Variants in PAPOLG observed in about 807,000 individuals in gnomAD.
The protein encoded by PAPOLG is poly(A) polymerase gamma, also known as PAP-gamma.
A neutral mutation model predicts 99.0 loss-of-function variants in PAPOLG; 40 were observed. That is an observed-to-expected ratio of 0.40 (90% CI 0.31 to 0.53). PAPOLG has a LOEUF of 0.53. Among genes scored for constraint, PAPOLG ranks in the 20% least tolerant of loss-of-function variants. PAPOLG has a pLI of 0.41. For missense variants in PAPOLG, 675 were observed against 884.1 expected (o/e 0.76, Z 3.00); for synonymous variants, 310 against 299.3 (o/e 1.04, Z -0.37).
At position 60,782,437 on chromosome 2, in the gene PAPOLG, A is replaced by G. The variant is rs1167282141; in HGVS notation, c.1028-249A>G. ...CCGGAAGTGGTGGTGGGCACCTGTA[A>G]TCCCAGCTACTCAGGAGCCTGGGGC... On this transcript the variant is annotated intron_variant, in intron 11 of 21. Transcript: ENST00000238714. Among the ~76,000 whole-genome samples, 4 of 151,828 alleles carry G rather than the reference A, an allele frequency of 2.6e-5. No individual in the cohort carries two copies. In the East Asian group the frequency reaches 5.8e-4, roughly 22 times the overall value.
rs1644609931 is a variant in PAPOLG at position 60,785,886 on chromosome 2, A to G, written c.1167-1061A>G. Among the ~76,000 whole-genome samples, 4 of 152,180 alleles carry G rather than the reference A, an allele frequency of 2.6e-5. No individual in the cohort carries two copies. In the South Asian group the frequency reaches 8.3e-4, roughly 32 times the overall value. ...ATTTGAAGGTAGAAAAAGATTCAGG[A>G]CTAGATAAACCAGCAGTTTTTGTTC... is the stretch of plus-strand genomic sequence containing the variant. On this transcript the variant is annotated intron_variant, in intron 13 of 21. Transcript: ENST00000238714.
At chr2:60,793,418 A>G (rs10084353) in intron 17 of PAPOLG, among the ~76,000 whole-genome samples, 73,139 of 150,890 alleles carry the variant, frequency 0.48, 18,319 homozygotes, top group Middle Eastern at 0.61. Flanking sequence ...TAAAAAATTA[A>G]CCCGATATGA....
intron 13 of PAPOLG, 66 bp from the exon 14 acceptor site, chr2:60,786,881 T>G: frequency 6.5e-7 from 1 of 1,549,512 alleles, no homozygotes; most frequent in Non-Finnish European, 8.7e-7. Context: ...GCTGTTTGGT[T>G]TACTTGAGTG....
In PAPOLG at chr2:60,794,695, A is replaced by G; in HGVS notation, c.1990-15A>G. The G allele has an allele frequency of 2.5e-6, 4 of 1,604,396 alleles. No individual in the cohort carries two copies. The highest frequency in any genetic ancestry group is 3.4e-6 in the Non-Finnish European group (4 of 1,171,786). On this transcript the variant is annotated splice_polypyrimidine_tract_variant and intron_variant, in intron 19 of 21. Transcript: ENST00000238714. The stretch of plus-strand genomic sequence containing the variant: ...AGGTACATAATAGCAATCTATTTCA[A>G]TGTTTATATTTTAGTTTATTCGACT...
intron 17 of PAPOLG, 128 bp from the exon 18 acceptor site, chr2:60,793,499 G>A: frequency 9.3e-7 from 1 of 1,073,840 alleles, no homozygotes; most frequent in South Asian, 1.6e-5. Flanking sequence ...AGGAGGTTGA[G>A]GCTGCAGTGA....
intron 11 of PAPOLG, among the ~76,000 whole-genome samples, chr2:60,782,421 G>T (rs889427730): frequency 2.0e-5 from 3 of 151,964 alleles, no homozygotes; most frequent in Non-Finnish European, 4.4e-5. Flanking sequence ...GCCGGAAGTG[G>T]TGGTGGGCAC....
At position 60,756,491 on chromosome 2, in the gene PAPOLG, T is replaced by G. The variant is rs1004777863; in HGVS notation, c.13T>G (p.Ser5Ala). ...GACGCAGGAAGCGATGAAAGAGATG[T>G]CTGCGTAAGTGGTGGGGGGCGGCGG... Reference protein sequence around the residue: MKEMSANTVLDSQRQ... With the variant: MKEMAANTVLDSQRQ... Residue 5 changes from serine to alanine, a missense_variant, in exon 1 of 22, where the codon TCT becomes GCT. Ser to Ala is a moderately conservative substitution (Grantham distance 99). Around this residue, in one of 3 missense-constraint regions of PAPOLG, gnomAD observed 149 missense variants for 192.1 expected, o/e 0.78. Transcript: ENST00000238714. The G allele has an allele frequency of 1.2e-6, 2 of 1,607,036 alleles. No homozygotes were observed. Among genetic ancestry groups the G allele is most frequent in the Non-Finnish European group, 1.7e-6 (2 of 1,177,098 alleles).
chr2:60,778,934 A>C (rs1042215335), intron 8 of PAPOLG, among the ~76,000 whole-genome samples: 11 of 152,100 alleles, frequency 7.2e-5, no homozygotes, highest in Non-Finnish European at 1.2e-4. Flanking sequence ...TATATAAAAA[A>C]CGGTCATGAC....
chr2:60,777,519 T>C (rs1177722502), intron 8 of PAPOLG, among the ~76,000 whole-genome samples: 1 of 152,232 alleles, frequency 6.6e-6, no homozygotes, highest in Non-Finnish European at 1.5e-5. Flanking sequence ...ATTCCTATAT[T>C]CACTGGAGAG....
In PAPOLG at chr2:60,760,155, G is replaced by T; in HGVS notation, c.39G>T (p.Gln13His). ...EMSANTVLDS[Q>H]RQQKHYGITS... ...ACAGAAACACCGTGCTGGACAGCCA[G>T]CGTCAACAAAAGCATTATGGAATTA... The change falls in exon 2 of 22, where the codon CAG becomes CAT. Residue 13 changes from glutamine (Q) to histidine (H), a missense_variant. Around this residue, in one of 3 missense-constraint regions of PAPOLG, gnomAD observed 149 missense variants for 192.1 expected, o/e 0.78. Transcript: ENST00000238714. 6.2e-7 allele frequency: 1 copy of T among 1,614,008 alleles called. No homozygotes were observed. The highest frequency in any genetic ancestry group is 8.5e-7 in the Non-Finnish European group (1 of 1,179,978).
chr2:60,796,798 T>C (rs1671720583), intron 21 of PAPOLG, among the ~76,000 whole-genome samples: 1 of 152,126 alleles, frequency 6.6e-6, no homozygotes, highest in Non-Finnish European at 1.5e-5. Flanking sequence ...GTTCCTCTTT[T>C]CCTGTACATA....
chr2:60,762,593 G>A (rs2103759478), intron 3 of PAPOLG, among the ~76,000 whole-genome samples: 1 of 151,790 alleles, frequency 6.6e-6, no homozygotes, highest in East Asian at 1.9e-4. Context: ...GTAAATAGTT[G>A]TCACTGTAAT....
intron 2 of PAPOLG, among the ~76,000 whole-genome samples, chr2:60,760,503 T>A (rs1354521905): frequency 6.6e-6 from 1 of 152,164 alleles, no homozygotes; most frequent in Non-Finnish European, 1.5e-5. Context: ...ATGAGTAATA[T>A]TACACATGAT....
intron 3 of PAPOLG, among the ~76,000 whole-genome samples, chr2:60,765,406 G>A (rs868420972): frequency 1.2e-5 from 1 of 81,854 alleles, no homozygotes; most frequent in African/African-American, 4.4e-5. Context: ...TTTTTTTTTT[G>A]ATTTTAAAAA....
intron 3 of PAPOLG, among the ~76,000 whole-genome samples, chr2:60,762,965 G>T (rs1275799653): frequency 9.3e-5 from 14 of 149,998 alleles, no homozygotes; most frequent in Non-Finnish European, 1.9e-4. Context: ...TTTTTTTGGA[G>T]ACAGAGTCTT....
intron 15 of PAPOLG, among the ~76,000 whole-genome samples, chr2:60,788,358 G>T (rs929127928): frequency 6.6e-6 from 1 of 152,096 alleles, no homozygotes; most frequent in African/African-American, 2.4e-5. Flanking sequence ...GTCTCACTCT[G>T]TCACCCAGGC....
chr2:60,773,416 G>T (rs544865360), intron 7 of PAPOLG, among the ~76,000 whole-genome samples: 3 of 152,086 alleles, frequency 2.0e-5, no homozygotes, highest in African/African-American at 4.8e-5. Context: ...GGTCTTTTGC[G>T]TAAGGGTTCT....
In PAPOLG at chr2:60,784,640, A is replaced by G. The variant is rs76233533; in HGVS notation, c.1166+1431A>G. Among the ~76,000 whole-genome samples the G allele has an allele frequency of 6.2e-3, 945 of 152,326 alleles. 13 individuals are homozygous for G. The highest frequency in any genetic ancestry group is 0.022 in the African/African-American group (903 of 41,578). ...AAGGAACTCTGAAAATAATCCTGTC[A>G]CTGAAACAGTATTTTGTTTGTCTAG... On this transcript the variant is annotated intron_variant, in intron 13 of 21. Coordinates refer to ENST00000238714, the MANE Select transcript of PAPOLG (RefSeq NM_022894.4).
In PAPOLG at chr2:60,787,527, A is replaced by T. The variant is rs531545418; in HGVS notation, c.1303A>T (p.Met435Leu). 28 of 1,613,778 alleles carry T rather than the reference A, an allele frequency of 1.7e-5. No homozygotes were observed. The highest frequency in any genetic ancestry group is 2.2e-5 in the Non-Finnish European group (26 of 1,179,908). ...ACTTTATAGCAACAATTACGTATCA[A>T]TGTGGTTCCTTGGGATAATTTTTCG... The part of the protein sequence containing the change: ...EHHKDNNYVS[M>L]WFLGIIFRRV... The change falls in exon 15 of 22, where the codon ATG becomes TTG. Residue 435 changes from methionine (M) to leucine (L), a missense_variant. Transcript: ENST00000238714.
Sources: gnomAD v4.1 joint callset for allele counts (sites outside exome capture counted in the v4.1 genomes callset) on GRCh38, gnomAD v4.1.1 for gene constraint, gnomAD v4.1.1 regional missense constraint, MANE v1.5 for transcripts, NCBI Gene and HGNC (gene_info 2026-07-23, HGNC 2026-07-21) for gene names.